Variants in GET4 observed in about 807,000 individuals in gnomAD.
The protein encoded by GET4 is Golgi to ER traffic protein 4 homolog.
In GET4, 20 loss-of-function variants were observed where a neutral mutation model predicts 40.0. The observed-to-expected ratio is 0.50, with a 90% CI of 0.35 to 0.73. The LOEUF (loss-of-function observed/expected upper bound fraction) is 0.73, where lower values mean the gene tolerates loss of function less well. GET4 is among the 30% of genes least tolerant of loss of function. The pLI, the probability that GET4 is intolerant of heterozygous loss-of-function variation, is 0.01. For missense variants in GET4, 557 were observed against 454.0 expected (o/e 1.23, Z -2.06); for synonymous variants, 280 against 194.6 (o/e 1.44, Z -3.65).
chr7:887,090 G>A (rs779008987), intron 3 of GET4: 6 of 633,922 alleles, frequency 9.5e-6, no homozygotes, highest in South Asian at 4.6e-5. Flanking sequence ...TACCCAGAGC[G>A]GCCACAGCTG....
intron 1 of GET4, chr7:884,973 G>T: frequency 6.5e-6 from 1 of 152,700 alleles, no homozygotes. Flanking sequence ...GTAGAGACAG[G>T]GTCTCACTAT....
rs13237161 is a variant in GET4, at chr7:893,743, G to A, written c.750G>A (p.Gly250=). 1 of 1,602,516 alleles carries A rather than the reference G, an allele frequency of 6.2e-7. No individual in the cohort carries two copies. The highest frequency in any genetic ancestry group is 1.7e-4 in the Middle Eastern group (1 of 6,004). ...IWFLLLAVDG[G]KLTVFTVLCE... ...TCCCTGTGTGTCTCTGTCCCAGTGG[G>A]AAGCTGACGGTGTTCACTGTGCTGT... The change falls in exon 7 of 9, where the codon GGG becomes GGA. Residue 250 remains glycine (G), a synonymous_variant. Coordinates refer to ENST00000265857, the MANE Select transcript of GET4 (RefSeq NM_015949.3).
Position 876,568 on chromosome 7 carries a change from C to A in GET4, c.-78C>A. 1 of 1,119,774 alleles carries A rather than the reference C, an allele frequency of 8.9e-7. No homozygotes were observed. Among genetic ancestry groups the A allele is most frequent in the Non-Finnish European group, 1.1e-6 (1 of 911,148 alleles). 69.4% of individuals were successfully genotyped at this position (1,119,774 alleles called of 1,614,324 possible). On this transcript the variant is annotated 5_prime_UTR_variant, in exon 1 of 9. Transcript: ENST00000265857. ...CGGGCCACCGTAGAAGGGCGTCGGG[C>A]GGCCGTCGGGACGGAAGCCGGGAGG...
At chr7:888,609 G>C (rs1844243825) in intron 4 of GET4, among the ~76,000 whole-genome samples, 1 of 152,256 alleles carries the variant, frequency 6.6e-6, no homozygotes, top group Non-Finnish European at 1.5e-5. Flanking sequence ...AGATGAGCCA[G>C]TGCCTATCTC....
Position 894,024 on chromosome 7 carries a change from T to G in GET4, c.895+53T>G, listed in dbSNP as rs182092708. ...ACTCCAGCCCTGGGTCGGTGTGGGGTCATCATCTCTGCCCAGGCAGGTCCA... is the reference window on the plus strand; with the variant it reads ...ACTCCAGCCCTGGGTCGGTGTGGGGGCATCATCTCTGCCCAGGCAGGTCCA... On this transcript the variant is annotated intron_variant, in intron 8 of 8. Transcript: ENST00000265857. The G allele has an allele frequency of 2.0e-3, 2,437 of 1,230,010 alleles. 39 individuals are homozygous for G. The highest frequency in any genetic ancestry group is 3.3e-4 in the Non-Finnish European group (289 of 879,518). 76.2% of individuals were successfully genotyped at this position (1,230,010 alleles called of 1,614,324 possible).
In GET4 at chr7:886,607, G is replaced by A. The variant is rs1295343222; in HGVS notation, c.273G>A (p.Glu91=). 1.2e-6 allele frequency: 2 copies of A among 1,613,088 alleles called. No individual in the cohort carries two copies. Among genetic ancestry groups the A allele is most frequent in the African/African-American group, 2.7e-5 (2 of 74,866 alleles). ...SAADLSMLVL[E]SLEKAEVEVA... is the part of the protein sequence containing the mutation. ...CAGACTTGTCCATGCTGGTCCTGGA[G>A]TCCCTGGAGAAGGCGGAAGTGGAGG... Residue 91 remains glutamate (E), a synonymous_variant, in exon 3 of 9, where the codon GAG becomes GAA. Coordinates refer to ENST00000265857, the MANE Select transcript of GET4 (RefSeq NM_015949.3).
At chr7:892,444 AG>A in intron 6 of GET4, 26 bp downstream of exon 6, 1 of 1,576,986 alleles carries the variant, frequency 6.3e-7, no homozygotes, top group Non-Finnish European at 8.7e-7. Flanking sequence ...CTGCAGGGGG[AG>A]GGGGCTGTGA....
chr7:896,318 G>GTAGAT lies in GET4; in HGVS notation c.*898_*902dup, dbSNP rs1221079273. ...ATTTTTTCACAGTTAAATGACAGTT[G>GTAGAT]TAGATTGATACGCAGTTGTGCATGG... On this transcript the variant is annotated 3_prime_UTR_variant, in exon 9 of 9. Coordinates refer to ENST00000265857, the MANE Select transcript of GET4 (RefSeq NM_015949.3). 2 of 152,332 alleles carry GTAGAT rather than the reference G, an allele frequency of 1.3e-5. No individual in the cohort carries two copies. Among genetic ancestry groups the GTAGAT allele is most frequent in the South Asian group, 2.1e-4 (1 of 4,830 alleles). The allele number at this position is 152,332 out of a possible 1,614,324, so 9.4% of individuals were successfully genotyped here.
At chr7:877,202 GCTCTCT>G (rs145879127) in intron 1 of GET4, among the ~76,000 whole-genome samples, 144 of 130,578 alleles carry the variant, frequency 1.1e-3, no homozygotes, top group African/African-American at 4.1e-3. Context: ...CCTTGGTCTC[GCTCTCT>G]CTCTCTCTCT....
At chr7:877,231 C>T (rs1033469109) in intron 1 of GET4, among the ~76,000 whole-genome samples, 3 of 144,972 alleles carry the variant, frequency 2.1e-5, no homozygotes, top group African/African-American at 5.1e-5. Context: ...CTGGCCTTCT[C>T]CTTCTTCCTT....
chr7:895,481 G>T lies in GET4; in HGVS notation c.*59G>T. The T allele has an allele frequency of 1.1e-6, 1 of 903,444 alleles. No individual in the cohort carries two copies. The highest frequency in any genetic ancestry group is 1.8e-6 in the Non-Finnish European group (1 of 555,276). 56.0% of individuals were successfully genotyped at this position (903,444 alleles called of 1,614,324 possible). On this transcript the variant is annotated 3_prime_UTR_variant, in exon 9 of 9. Transcript: ENST00000265857. ...CGACGGCTGGAGGGACGTTTCAGAG[G>T]CGAGTCCTGGGTGGCTCCTCGCCTT...
At position 886,284 on chromosome 7, in the gene GET4, C is replaced by T. The variant is rs1844186441; in HGVS notation, c.234+150C>T. 44 of 630,696 alleles carry T rather than the reference C, an allele frequency of 7.0e-5. No individual in the cohort carries two copies. In the South Asian group the frequency reaches 7.2e-4, roughly 10 times the overall value. The allele number at this position is 630,696 out of a possible 1,614,324, so 39.1% of individuals were successfully genotyped here. A position where few individuals can be genotyped will look rare whatever the true frequency, so the allele number is the denominator to read the frequency against. ...TGGGTGGCAGAGGGGCCCAGAGTCC[C>T]CCCTGGCTTGGCTGCTCCACTCTCA... is the stretch of plus-strand genomic sequence containing the variant. On this transcript the variant is annotated intron_variant, in intron 2 of 8. Transcript: ENST00000265857.
At chr7:886,176 G>T in intron 2 of GET4, 42 bp downstream of exon 2, 3 of 1,319,608 alleles carry the variant, frequency 2.3e-6, no homozygotes, top group Non-Finnish European at 1.1e-6. Context: ...TCTGCTCCGG[G>T]CAGGCAAGTG....
At chr7:886,018 G>T in intron 1 of GET4, 38 bp from the exon 2 acceptor site, 2 of 1,242,230 alleles carry the variant, frequency 1.6e-6, no homozygotes. Context: ...GGTGGCGAGG[G>T]CACGTGGGCG....
rs1326920628 is a variant in GET4, at chr7:886,599, G to A, written c.265G>A (p.Val89Ile). The change falls in exon 3 of 9, where the codon GTC (valine) becomes ATC (isoleucine). Residue 89 changes from valine to isoleucine, a missense_variant. Transcript: ENST00000265857. Reference protein sequence around the residue: ...QNSAADLSMLVLESLEKAEVE... With the variant: ...QNSAADLSMLILESLEKAEVE... ...CAGTGCAGCAGACTTGTCCATGCTG[G>A]TCCTGGAGTCCCTGGAGAAGGCGGA... 6.2e-7 allele frequency: 1 copy of A among 1,613,046 alleles called. No homozygotes were observed. Among genetic ancestry groups the A allele is most frequent in the East Asian group, 2.2e-5 (1 of 44,884 alleles).
At position 893,962 on chromosome 7, in the gene GET4, G is replaced by A; in HGVS notation, c.886G>A (p.Gly296Ser). The A allele has an allele frequency of 5.6e-6, 9 of 1,596,744 alleles. No homozygotes were observed. Among genetic ancestry groups the A allele is most frequent in the South Asian group, 3.4e-5 (3 of 89,344 alleles). Residue 296 changes from glycine to serine, a missense_variant, in exon 8 of 9, where the codon GGC becomes AGC. By Grantham distance (56) the Gly-to-Ser change is moderately conservative (BLOSUM62 0). Coordinates refer to ENST00000265857, the MANE Select transcript of GET4 (RefSeq NM_015949.3). ...VPPKQTSSYGGLLGNLLTSLM... is the reference protein window; with the variant it reads ...VPPKQTSSYGSLLGNLLTSLM... ...GCCCAAGCAGACGTCTTCCTACGGG[G>A]GCCTGCTCGGTAAGCCGGGGCGCCC...
intron 8 of GET4, among the ~76,000 whole-genome samples, chr7:894,535 C>A (rs1395091986): frequency 6.6e-6 from 1 of 152,204 alleles, no homozygotes; most frequent in African/African-American, 2.4e-5. Context: ...GTGGCAGGCC[C>A]TGTCCTCCCC....
chr7:895,435 A>G lies in GET4; in HGVS notation c.*13A>G, dbSNP rs748213524. The G allele has an allele frequency of 2.8e-6, 4 of 1,408,082 alleles. No individual in the cohort carries two copies. Among genetic ancestry groups the G allele is most frequent in the Non-Finnish European group, 4.0e-6 (4 of 998,550 alleles). The allele number at this position is 1,408,082 out of a possible 1,614,324, so 87.2% of individuals were successfully genotyped here. On this transcript the variant is annotated 3_prime_UTR_variant, in exon 9 of 9. Transcript: ENST00000265857. ...CGAGCTGGACTGAACTGGCCAGGCCACGTGGAGACACCACGGTCGACGACG... is the reference window on the plus strand; with the variant it reads ...CGAGCTGGACTGAACTGGCCAGGCCGCGTGGAGACACCACGGTCGACGACG...
chr7:895,676 A>G lies in GET4; in HGVS notation c.*254A>G, dbSNP rs1337747016. On this transcript the variant is annotated 3_prime_UTR_variant, in exon 9 of 9. Transcript: ENST00000265857. ...CCGAGATTGACCCACAATAAAGCAC[A>G]GGCCTTACCGCGGCGTCACCCTCTC... 5.9e-5 allele frequency: 20 copies of G among 338,084 alleles called. No homozygotes were observed. The Admixed American group carries it at 9.4e-4, about 16-fold the overall frequency. The allele number at this position is 338,084 out of a possible 1,614,324, so 20.9% of individuals were successfully genotyped here.
Sources: gnomAD v4.1 joint callset for allele counts (sites outside exome capture counted in the v4.1 genomes callset) on GRCh38, gnomAD v4.1.1 for gene constraint, MANE v1.5 for transcripts, NCBI Gene and HGNC (gene_info 2026-07-23, HGNC 2026-07-21) for gene names.